SYNJ2: variants seen among roughly 807,000 people sequenced by gnomAD.
SYNJ2 encodes the protein polyphosphatidylinositol phosphatase SYNJ2.
Under a neutral mutation model 141.3 loss-of-function variants are expected in SYNJ2, and 116 were observed. The ratio of observed to expected loss-of-function variants is 0.82; its 90% confidence interval spans 0.71 to 0.96. SYNJ2 has a LOEUF of 0.96. Among genes scored for constraint, SYNJ2 ranks in the 40% least tolerant of loss-of-function variants. SYNJ2 has a pLI of 0.00. For missense variants in SYNJ2, 1,873 were observed against 1,934.8 expected (o/e 0.97, Z 0.60); for synonymous variants, 745 against 777.7 (o/e 0.96, Z 0.70).
chr6:158,021,145 C>T (rs1778747950), intron 2 of SYNJ2, among the ~76,000 whole-genome samples: 2 of 152,182 alleles, frequency 1.3e-5, no homozygotes, highest in South Asian at 4.1e-4. Context: ...GCTCTCAAGG[C>T]CTACCTGTTT....
chr6:158,053,252 T>G (rs1780667339), intron 5 of SYNJ2, among the ~76,000 whole-genome samples: 1 of 152,172 alleles, frequency 6.6e-6, no homozygotes, highest in Non-Finnish European at 1.5e-5. Flanking sequence ...CCAGTCAAGG[T>G]GCTATTCAGT....
chr6:158,082,419 A>G (rs2885910), intron 20 of SYNJ2, among the ~76,000 whole-genome samples: 81,384 of 147,612 alleles, frequency 0.55, 23,053 homozygotes, highest in African/African-American at 0.69. Flanking sequence ...CCCAGGAGGC[A>G]GAGGTTGCAG....
chr6:158,087,638 A>G (rs1783142320), intron 23 of SYNJ2, among the ~76,000 whole-genome samples: 1 of 152,240 alleles, frequency 6.6e-6, no homozygotes, highest in African/African-American at 2.4e-5. Context: ...TTCCTAAGCC[A>G]TTACTTCAGA....
At chr6:158,033,142 G>A (rs1779455942) in intron 3 of SYNJ2, among the ~76,000 whole-genome samples, 2 of 152,218 alleles carry the variant, frequency 1.3e-5, no homozygotes, top group South Asian at 4.1e-4. Flanking sequence ...CCCGAAAAGT[G>A]CACGCTGGCT....
chr6:158,006,184 CGCACACAT>C (rs1778063746), intron 1 of SYNJ2, among the ~76,000 whole-genome samples: 1 of 152,190 alleles, frequency 6.6e-6, no homozygotes, highest in Non-Finnish European at 1.5e-5. Context: ...GCTTGCCACA[CGCACACAT>C]GCACATATGC....
intron 5 of SYNJ2, among the ~76,000 whole-genome samples, chr6:158,048,045 A>C (rs761636704): frequency 1.3e-5 from 2 of 152,154 alleles, no homozygotes; most frequent in Non-Finnish European, 2.9e-5. Context: ...TCATAGACTC[A>C]TCGTAAATCA....
At position 158,000,064 on chromosome 6, in the gene SYNJ2, CTTTTTTTTTTTTTTTTT is replaced by C. The variant is rs58284240; in HGVS notation, c.128-17117_128-17101del. ...GCCAGGTTCTCACCAAGCCAAAAGGCTTTTTTTTTTTTTTTTTTTTTTTTTTTTTTTTTTTTTTTGAG... is the reference window on the plus strand; with the variant it reads ...GCCAGGTTCTCACCAAGCCAAAAGGCTTTTTTTTTTTTTTTTTTTTTTGAG... On this transcript the variant is annotated intron_variant, in intron 1 of 26. Coordinates refer to ENST00000355585, the MANE Select transcript of SYNJ2 (RefSeq NM_003898.4). Among the ~76,000 whole-genome samples the C allele has an allele frequency of 1.4e-3, 120 of 85,580 alleles. 1 individual carries two copies. The highest frequency in any genetic ancestry group is 2.4e-3 in the Non-Finnish European group (99 of 40,822). The allele number at this position is 85,580 out of a possible 152,430, so 56.1% of individuals were successfully genotyped here. A position where few individuals can be genotyped will look rare whatever the true frequency, so the allele number is the denominator to read the frequency against.
At chr6:158,094,674 TC>T (rs979403194) in intron 26 of SYNJ2, among the ~76,000 whole-genome samples, 10 of 152,060 alleles carry the variant, frequency 6.6e-5, no homozygotes, top group African/African-American at 2.2e-4. Context: ...CTTTCTTTTT[TC>T]TTAGTTTGTT....
At chr6:157,989,963 G>C (rs1024218325) in intron 1 of SYNJ2, among the ~76,000 whole-genome samples, 4 of 152,190 alleles carry the variant, frequency 2.6e-5, no homozygotes, top group Admixed American at 2.6e-4. Flanking sequence ...CCTTGCCCTG[G>C]GGGGCACTGG....
chr6:158,039,843 T>C (rs1779843825), intron 4 of SYNJ2, among the ~76,000 whole-genome samples: 1 of 152,118 alleles, frequency 6.6e-6, no homozygotes, highest in Non-Finnish European at 1.5e-5. Context: ...GGTGAGCCCC[T>C]TGTGGTGCCG....
chr6:158,033,561 C>T lies in SYNJ2; in HGVS notation c.592C>T (p.His198Tyr), dbSNP rs568153239. ...VVTIRTVYAS[H>Y]KQAKACLVSR... is the part of the protein sequence containing the mutation. ...CACCATCCGCACCGTGTATGCCTCCCACAAGCAGGCCAAGGCCTGCCTCGT... is the reference window on the plus strand; with the variant it reads ...CACCATCCGCACCGTGTATGCCTCCTACAAGCAGGCCAAGGCCTGCCTCGT... Residue 198 changes from histidine (H) to tyrosine (Y), a missense_variant, in exon 4 of 27, where the codon CAC becomes TAC. His to Tyr is a moderately conservative substitution (Grantham distance 83). Coordinates refer to ENST00000355585, the MANE Select transcript of SYNJ2 (RefSeq NM_003898.4). 1 of 1,614,158 alleles carries T rather than the reference C, an allele frequency of 6.2e-7. No individual in the cohort carries two copies. Among genetic ancestry groups the T allele is most frequent in the Admixed American group, 1.7e-5 (1 of 60,032 alleles).
chr6:158,089,736 C>T (rs1050493213), intron 24 of SYNJ2, 103 bp from the exon 25 acceptor site: 33 of 713,770 alleles, frequency 4.6e-5, no homozygotes, highest in African/African-American at 4.4e-4. Flanking sequence ...TGGTCAGCAT[C>T]GTCTGGTGGA....
At chr6:158,055,762 TAA>T (rs1361743138) in intron 6 of SYNJ2, among the ~76,000 whole-genome samples, 4 of 152,212 alleles carry the variant, frequency 2.6e-5, no homozygotes, top group African/African-American at 7.2e-5. Context: ...ATTGAGACTT[TAA>T]GTTTGCTTTC....
chr6:158,047,978 C>G (rs975016598), intron 5 of SYNJ2, among the ~76,000 whole-genome samples: 1 of 152,052 alleles, frequency 6.6e-6, no homozygotes, highest in Admixed American at 6.6e-5. Flanking sequence ...GGAACAGGGA[C>G]ACCGTGAGAT....
intron 15 of SYNJ2, among the ~76,000 whole-genome samples, chr6:158,072,971 G>T (rs1001777778): frequency 1.3e-5 from 2 of 151,568 alleles, no homozygotes; most frequent in Admixed American, 1.3e-4. Context: ...TACTCAGGAG[G>T]CTGAGACAGG....
Position 158,040,377 on chromosome 6 carries a change from C to T in SYNJ2, c.712-2939C>T, listed in dbSNP as rs987557811. ...GTTGTGTATGTGTTGTGTGTCTGCA[C>T]GCACAGATGTTGTGTACATGTGTAG... On this transcript the variant is annotated intron_variant, in intron 4 of 26. Coordinates refer to ENST00000355585, the MANE Select transcript of SYNJ2 (RefSeq NM_003898.4). The surrounding 1 kb of genome is among the most constrained non-coding windows in gnomAD (Gnocchi z 4.2). Among the ~76,000 whole-genome samples the T allele has an allele frequency of 1.4e-4, 21 of 152,098 alleles. No homozygotes were observed. The highest frequency in any genetic ancestry group is 3.9e-4 in the East Asian group (2 of 5,176).
rs1466328671 is a variant in SYNJ2, at chr6:158,093,047, T to C, written c.3687T>C (p.Arg1229=). The C allele has an allele frequency of 6.2e-7, 1 of 1,609,368 alleles. No individual in the cohort carries two copies. Among genetic ancestry groups the C allele is most frequent in the African/African-American group, 1.3e-5 (1 of 74,250 alleles). The change falls in exon 26 of 27, where the codon CGT becomes CGC. Residue 1229 remains arginine (R), a synonymous_variant. Transcript: ENST00000355585. ...CACAGGCGCCCCCACTCCTTCCCCG[T>C]CGGCCCCCACCCAGAGTTCCTGCCA... ...ETPQAPPLLP[R]RPPPRVPAIK...
chr6:158,050,200 C>A (rs745315892), intron 5 of SYNJ2, among the ~76,000 whole-genome samples: 8 of 152,240 alleles, frequency 5.3e-5, no homozygotes, highest in Non-Finnish European at 1.0e-4. Context: ...AAAACCAGAA[C>A]CACTCAAACT....
At chr6:157,996,558 T>A (rs1313791726) in intron 1 of SYNJ2, among the ~76,000 whole-genome samples, 1 of 151,980 alleles carries the variant, frequency 6.6e-6, no homozygotes, top group African/African-American at 2.4e-5. Flanking sequence ...CTGCATGCAC[T>A]CCCTCCCCCA....
Sources: gnomAD v4.1 joint callset for allele counts (sites outside exome capture counted in the v4.1 genomes callset) on GRCh38, gnomAD v4.1.1 for gene constraint, Gnocchi (gnomAD v3.1) non-coding constraint, MANE v1.5 for transcripts, NCBI Gene and HGNC (gene_info 2026-07-23, HGNC 2026-07-21) for gene names.